PPFIA2: variants seen among roughly 807,000 people sequenced by gnomAD.
PPFIA2 encodes the protein liprin-alpha-2.
Under a neutral mutation model 175.5 loss-of-function variants are expected in PPFIA2, and 46 were observed. The ratio of observed to expected loss-of-function variants is 0.26; its 90% CI spans 0.21 to 0.34. The LOEUF is 0.34. Ranked by LOEUF, PPFIA2 falls within the 10% of genes least tolerant of loss-of-function variation. The pLI, the probability that PPFIA2 is intolerant of heterozygous loss-of-function variation, is 1.00. For synonymous variants in PPFIA2, 568 were observed against 511.4 expected, an observed-to-expected ratio of 1.11 and a Z score of -1.49; for missense variants, 1,179 against 1,506.1, an observed-to-expected ratio of 0.78 and a Z score of 3.60.
rs764521886 is a variant in PPFIA2 at position 81,358,195 on chromosome 12, C to T, written c.1660G>A (p.Glu554Lys). The T allele has an allele frequency of 1.0e-5, 16 of 1,591,114 alleles. No individual in the cohort carries two copies. In the East Asian group the frequency reaches 3.7e-4, roughly 36 times the overall value. ...AGGGATCCCACTGAGTACCGCAACT[C>T]AGCTGAGGTGTCTAGATGAGTTCTG... is the stretch of plus-strand genomic sequence containing the variant. ...IPRTHLDTSA[E>K]LRYSVGSLVD... The change falls in exon 16 of 33, where the codon GAG (glutamate) becomes AAG (lysine). Residue 554 changes from glutamate to lysine, a missense_variant. Glu to Lys is a moderately conservative substitution (Grantham distance 56). Around this residue, in one of 10 missense-constraint regions of PPFIA2, gnomAD observed 186 missense variants for 163.6 expected, o/e 1.14. Transcript: ENST00000549396.
intron 3 of PPFIA2, among the ~76,000 whole-genome samples, chr12:81,705,456 C>CAAAA (rs58602688): frequency 3.6e-5 from 2 of 55,720 alleles, no homozygotes; most frequent in East Asian, 4.7e-4. Context: ...GACTAGGTCT[C>CAAAA]AAAAAAAAAA....
intron 15 of PPFIA2, among the ~76,000 whole-genome samples, chr12:81,360,801 C>A (rs1039338026): frequency 6.6e-6 from 1 of 151,596 alleles, no homozygotes; most frequent in South Asian, 2.1e-4. Context: ...GTTTAGCTAG[C>A]TTACCTTAAT....
At chr12:81,508,260 G>A (rs557757050) in intron 4 of PPFIA2, among the ~76,000 whole-genome samples, 10 of 152,072 alleles carry the variant, frequency 6.6e-5, no homozygotes, top group African/African-American at 1.7e-4. Context: ...GGTGGGTCAC[G>A]CCTGTAATCC....
At chr12:81,492,784 T>A (rs1373866143) in intron 4 of PPFIA2, among the ~76,000 whole-genome samples, 1 of 152,060 alleles carries the variant, frequency 6.6e-6, no homozygotes, top group African/African-American at 2.4e-5. Context: ...ATGGTCAGAT[T>A]TCTGTATAAA....
At chr12:81,650,934 C>A (rs760062941) in intron 4 of PPFIA2, among the ~76,000 whole-genome samples, 2 of 152,182 alleles carry the variant, frequency 1.3e-5, no homozygotes, top group African/African-American at 4.8e-5. Flanking sequence ...TTAAATTCTA[C>A]GGAGAGGGCA....
chr12:81,602,387 G>A (rs2059885401), intron 4 of PPFIA2, among the ~76,000 whole-genome samples: 1 of 151,712 alleles, frequency 6.6e-6, no homozygotes, highest in South Asian at 2.1e-4. Context: ...TTTCAGTTTT[G>A]TAGATTTATT....
At chr12:81,679,971 G>A (rs893717697) in intron 3 of PPFIA2, among the ~76,000 whole-genome samples, 11 of 151,868 alleles carry the variant, frequency 7.2e-5, no homozygotes, top group African/African-American at 2.7e-4. Flanking sequence ...TATTTTTGAT[G>A]GTTGTTGAAT....
At chr12:81,385,960 T>C (rs974604231) in intron 8 of PPFIA2, among the ~76,000 whole-genome samples, 25 of 152,004 alleles carry the variant, frequency 1.6e-4, no homozygotes, top group Non-Finnish European at 1.8e-4. Context: ...CTCACGAATA[T>C]GTACATTTAT....
chr12:81,439,156 T>C (rs1592996825), intron 7 of PPFIA2, among the ~76,000 whole-genome samples: 2 of 150,738 alleles, frequency 1.3e-5, no homozygotes, highest in Non-Finnish European at 3.0e-5. Flanking sequence ...CTTCTCTCTC[T>C]CTCTCTCTCC....
At chr12:81,711,345 C>T (rs1468733709) in intron 3 of PPFIA2, among the ~76,000 whole-genome samples, 1 of 151,442 alleles carries the variant, frequency 6.6e-6, no homozygotes, top group African/African-American at 2.4e-5. Flanking sequence ...TAAACACACA[C>T]ATACACATAG....
chr12:81,376,756 T>C (rs2036463019), intron 9 of PPFIA2, among the ~76,000 whole-genome samples: 1 of 152,196 alleles, frequency 6.6e-6, no homozygotes, highest in Non-Finnish European at 1.5e-5. Context: ...GGCCTGGAAT[T>C]GTTTCCTGAG....
chr12:81,585,734 T>C (rs114324653), intron 4 of PPFIA2, among the ~76,000 whole-genome samples: 3,114 of 152,030 alleles, frequency 0.02, 119 homozygotes, highest in African/African-American at 0.071. Flanking sequence ...CAGTTAAGTT[T>C]TTTTTAATAA....
rs201610747 is a variant in PPFIA2, at chr12:81,738,114, TA to T, written c.249+15858del. Among the ~76,000 whole-genome samples, 915 of 141,622 alleles carry T rather than the reference TA, an allele frequency of 6.5e-3. 5 individuals are homozygous for T. Among genetic ancestry groups the T allele is most frequent in the Admixed American group, 8.5e-3 (121 of 14,206 alleles). The allele number at this position is 141,622 out of a possible 152,430, so 92.9% of individuals were successfully genotyped here. On this transcript the variant is annotated intron_variant, in intron 3 of 32. Transcript: ENST00000549396. ...AACTCTCTAAAGCAGCCAAAAAGATTAAAAAAAAAAAGGACAGTTTACTCTC... is the reference window on the plus strand; with the variant it reads ...AACTCTCTAAAGCAGCCAAAAAGATTAAAAAAAAAAGGACAGTTTACTCTC...
At chr12:81,404,014 C>T (rs546041395) in intron 8 of PPFIA2, among the ~76,000 whole-genome samples, 37 of 152,256 alleles carry the variant, frequency 2.4e-4, no homozygotes, top group Admixed American at 2.2e-3. Flanking sequence ...TCTCCCTTTG[C>T]CTCATGCCCC....
In PPFIA2 at chr12:81,347,680, C is replaced by T. The variant is rs780055972; in HGVS notation, c.2085G>A (p.Leu695=). 170 of 1,613,846 alleles carry T rather than the reference C, an allele frequency of 1.1e-4. 2 individuals are homozygous for T. In the East Asian group the frequency reaches 3.7e-3, roughly 35 times the overall value. Residue 695 remains leucine, a synonymous_variant, in exon 18 of 33, where the codon TTG becomes TTA. Transcript: ENST00000549396. ...TGGAGGTACCTGGGTGGACCCTTGC[C>T]AAATTCAGGCCTTCGAGGCTCACAC... is the stretch of plus-strand genomic sequence containing the variant. ...VASVSLEGLN[L]ARVHPGTSIT... is the part of the protein sequence containing the mutation.
At chr12:81,672,727 C>T (rs1281588380) in intron 4 of PPFIA2, among the ~76,000 whole-genome samples, 6 of 151,966 alleles carry the variant, frequency 3.9e-5, no homozygotes, top group Non-Finnish European at 8.8e-5. Flanking sequence ...AAACTGAATA[C>T]CTTCAGTGGT....
intron 7 of PPFIA2, among the ~76,000 whole-genome samples, chr12:81,421,727 A>G (rs1329712647): frequency 2.0e-5 from 3 of 151,996 alleles, no homozygotes; most frequent in Non-Finnish European, 2.9e-5. Flanking sequence ...AAAATCACCA[A>G]TCAAAAGGCA....
Position 81,433,877 on chromosome 12 carries a change from G to A in PPFIA2, c.645+6095C>T, listed in dbSNP as rs1039027945. Among the ~76,000 whole-genome samples the A allele has an allele frequency of 5.9e-5, 9 of 152,198 alleles. No individual in the cohort carries two copies. The East Asian group carries it at 1.2e-3, about 20-fold the overall frequency. On this transcript the variant is annotated intron_variant, in intron 7 of 32. Coordinates refer to ENST00000549396, the MANE Select transcript of PPFIA2 (RefSeq NM_003625.5). ...TAACCCTAATACTTGTTGAACAGTC[G>A]TAATACAGGCTGAAGTAATGAGCTT...
At chr12:81,664,660 T>C (rs192749194) in intron 4 of PPFIA2, among the ~76,000 whole-genome samples, 1,813 of 152,158 alleles carry the variant, frequency 0.012, 63 homozygotes, top group African/African-American at 0.041. Flanking sequence ...CTAGAAATAC[T>C]GTTTGACCCA....
Sources: gnomAD v4.1 joint callset for allele counts (sites outside exome capture counted in the v4.1 genomes callset) on GRCh38, gnomAD v4.1.1 for gene constraint, gnomAD v4.1.1 regional missense constraint, MANE v1.5 for transcripts, NCBI Gene and HGNC (gene_info 2026-07-23, HGNC 2026-07-21) for gene names.